The following TFAP2B variants were observed in gnomAD, a reference collection of about 807,000 sequenced individuals.
TFAP2B encodes transcription factor AP-2 beta, also known as transcription factor AP-2-beta.
A neutral mutation model predicts 44.3 loss-of-function variants in TFAP2B; 9 were observed. The observed-to-expected ratio is 0.20, with a 90% CI of 0.12 to 0.35. TFAP2B has a LOEUF of 0.35. TFAP2B is among the 10% of genes least tolerant of loss of function. TFAP2B has a pLI of 1.00. For missense variants in TFAP2B, 509 were observed against 600.0 expected (o/e 0.85, Z 1.59); for synonymous variants, 270 against 263.8 (o/e 1.02, Z -0.23).
intron 3 of TFAP2B, 63 bp downstream of exon 3, chr6:50,828,742 A>C: frequency 6.4e-7 from 1 of 1,559,022 alleles, no homozygotes; most frequent in Non-Finnish European, 8.8e-7. Context: ...CTTTATGATG[A>C]ATTTTCACTT....
intron 6 of TFAP2B, 70 bp downstream of exon 6, chr6:50,840,367 G>A: frequency 1.3e-6 from 2 of 1,583,802 alleles, no homozygotes; most frequent in Non-Finnish European, 1.7e-6. Flanking sequence ...TGGAGTAGGT[G>A]GTGGGGAGGG....
chr6:50,835,824 G>A (rs1762608125), intron 3 of TFAP2B, among the ~76,000 whole-genome samples: 1 of 152,214 alleles, frequency 6.6e-6, no homozygotes, highest in Admixed American at 6.5e-5. Flanking sequence ...GAGCAGGACT[G>A]TAGCAAATGA....
At chr6:50,825,115 G>A (rs1029645836) in intron 2 of TFAP2B, among the ~76,000 whole-genome samples, 1 of 152,088 alleles carries the variant, frequency 6.6e-6, no homozygotes, top group Non-Finnish European at 1.5e-5. Flanking sequence ...ATTGTTTATT[G>A]TTTTAAAAGA....
intron 4 of TFAP2B, 57 bp from the exon 5 acceptor site, chr6:50,837,918 A>T (rs1762653941): frequency 7.1e-7 from 1 of 1,414,900 alleles, no homozygotes; most frequent in South Asian, 1.1e-5. Flanking sequence ...GCTAAGTCTA[A>T]ACTTTGTTTC....
intron 1 of TFAP2B, among the ~76,000 whole-genome samples, chr6:50,822,405 T>C (rs905243022): frequency 3.3e-5 from 5 of 152,120 alleles, no homozygotes; most frequent in Non-Finnish European, 7.4e-5. Context: ...AAAGAAAAAC[T>C]TTTTATTTGC....
At chr6:50,827,754 C>T (rs1263538019) in intron 2 of TFAP2B, among the ~76,000 whole-genome samples, 1 of 152,192 alleles carries the variant, frequency 6.6e-6, no homozygotes, top group East Asian at 1.9e-4. Context: ...GATGCACAGC[C>T]AGAACTGTTC....
At chr6:50,831,384 C>T (rs1438011484) in intron 3 of TFAP2B, among the ~76,000 whole-genome samples, 1 of 152,146 alleles carries the variant, frequency 6.6e-6, no homozygotes, top group African/African-American at 2.4e-5. Flanking sequence ...CTGCAGGGAC[C>T]GTGGCCCCTC....
chr6:50,832,241 T>C (rs562044109), intron 3 of TFAP2B, among the ~76,000 whole-genome samples: 1 of 152,294 alleles, frequency 6.6e-6, no homozygotes, highest in East Asian at 1.9e-4. Context: ...TCAGGTAGGT[T>C]AGACATTCTT....
chr6:50,824,803 C>T (rs1770458151), intron 2 of TFAP2B, among the ~76,000 whole-genome samples: 1 of 152,192 alleles, frequency 6.6e-6, no homozygotes, highest in Non-Finnish European at 1.5e-5. Flanking sequence ...AACAAAGAAA[C>T]ATCAAAGAAA....
chr6:50,830,115 G>A (rs1770634496), intron 3 of TFAP2B, among the ~76,000 whole-genome samples: 1 of 152,016 alleles, frequency 6.6e-6, no homozygotes, highest in South Asian at 2.1e-4. Flanking sequence ...TTAATTGCTG[G>A]TTGATTAGGG....
At chr6:50,826,324 G>T (rs1046696754) in intron 2 of TFAP2B, among the ~76,000 whole-genome samples, 1 of 152,156 alleles carries the variant, frequency 6.6e-6, no homozygotes, top group African/African-American at 2.4e-5. Flanking sequence ...GACACTGAGG[G>T]TGCTGCCCTG....
rs140269591 is a variant in TFAP2B, at chr6:50,828,537, C to T, written c.541-82C>T. On this transcript the variant is annotated intron_variant, in intron 2 of 6. Coordinates refer to ENST00000393655, the MANE Select transcript of TFAP2B (RefSeq NM_003221.4). ...TTAATATAAATGGAAATAACAGAAA[C>T]TCCAGTTTGGAATAACATGATTTAT... 3,346 of 1,239,276 alleles carry T rather than the reference C, an allele frequency of 2.7e-3. 59 individuals carry two copies. The African/African-American group carries it at 0.041, about 15-fold the overall frequency. The allele number at this position is 1,239,276 out of a possible 1,614,324, so 76.8% of individuals were successfully genotyped here.
rs776626894 is a variant in TFAP2B at position 50,844,082 on chromosome 6, C to T, written c.*690C>T. 3 of 152,254 alleles carry T rather than the reference C, an allele frequency of 2.0e-5. No individual in the cohort carries two copies. The highest frequency in any genetic ancestry group is 1.5e-5 in the Non-Finnish European group (1 of 68,128). The allele number at this position is 152,254 out of a possible 1,614,324, so 9.4% of individuals were successfully genotyped here. ...GGGAGGGCGAGGGCGGGGCGGGAGG[C>T]CTGTGGAGACCAGGCGGAGGCTGCA... is the stretch of plus-strand genomic sequence containing the variant. On this transcript the variant is annotated 3_prime_UTR_variant, in exon 7 of 7. Coordinates refer to ENST00000393655, the MANE Select transcript of TFAP2B (RefSeq NM_003221.4).
At chr6:50,831,622 A>C (rs1280264964) in intron 3 of TFAP2B, among the ~76,000 whole-genome samples, 1 of 151,878 alleles carries the variant, frequency 6.6e-6, no homozygotes, top group Non-Finnish European at 1.5e-5. Flanking sequence ...ACATTAAAAA[A>C]TCATTCTTAA....
At chr6:50,838,353 G>A (rs1448305915) in intron 5 of TFAP2B, among the ~76,000 whole-genome samples, 1 of 152,158 alleles carries the variant, frequency 6.6e-6, no homozygotes, top group African/African-American at 2.4e-5. Context: ...AGACAAAGCA[G>A]GGGTCACTCC....
rs1762831002 is a variant in TFAP2B, at chr6:50,845,673, T to G, written c.*2281T>G. 6.5e-6 allele frequency: 1 copy of G among 152,728 alleles called. No homozygotes were observed. Among genetic ancestry groups the G allele is most frequent in the Non-Finnish European group, 1.5e-5 (1 of 68,094 alleles). The allele number at this position is 152,728 out of a possible 1,614,324, so 9.5% of individuals were successfully genotyped here. A position where few individuals can be genotyped will look rare whatever the true frequency, so the allele number is the denominator to read the frequency against. On this transcript the variant is annotated 3_prime_UTR_variant, in exon 7 of 7. Coordinates refer to ENST00000393655, the MANE Select transcript of TFAP2B (RefSeq NM_003221.4). Reference sequence around the variant, plus strand: ...TGCACAAGGCCAGGAGAGACCACACTGAAAACGATCGTCTCCTTTCCTTGC... The same window carrying G: ...TGCACAAGGCCAGGAGAGACCACACGGAAAACGATCGTCTCCTTTCCTTGC...
Position 50,844,065 on chromosome 6 carries a change from G to T in TFAP2B, c.*673G>T. 1 of 152,482 alleles carries T rather than the reference G, an allele frequency of 6.6e-6. No individual in the cohort carries two copies. Among genetic ancestry groups the T allele is most frequent in the Non-Finnish European group, 1.5e-5 (1 of 68,188 alleles). 9.4% of individuals were successfully genotyped at this position (152,482 alleles called of 1,614,324 possible). A position where few individuals can be genotyped will look rare whatever the true frequency, so the allele number is the denominator to read the frequency against. ...GGCCGCTTGCATAATTAGGGAGGGC[G>T]AGGGCGGGGCGGGAGGCCTGTGGAG... On this transcript the variant is annotated 3_prime_UTR_variant, in exon 7 of 7. Transcript: ENST00000393655.
At chr6:50,830,712 A>G (rs1770648946) in intron 3 of TFAP2B, among the ~76,000 whole-genome samples, 1 of 152,226 alleles carries the variant, frequency 6.6e-6, no homozygotes, top group Admixed American at 6.5e-5. Context: ...TAGGCAAAAT[A>G]AGAATACGAG....
rs3798521 is a variant in TFAP2B, at chr6:50,830,376, G to A, written c.601+1697G>A. 2,413 of 850,872 alleles carry A rather than the reference G, an allele frequency of 2.8e-3. 94 individuals are homozygous for A. The South Asian group carries it at 0.066, about 23-fold the overall frequency. 52.7% of individuals were successfully genotyped at this position (850,872 alleles called of 1,614,324 possible). On this transcript the variant is annotated intron_variant, in intron 3 of 6. Coordinates refer to ENST00000393655, the MANE Select transcript of TFAP2B (RefSeq NM_003221.4). ...ATTTTCTTAGATGTGGGATGCTTTG[G>A]TTTCAGAGCTTGTATATGTTTGTCA...
Sources: gnomAD v4.1 joint callset for allele counts (sites outside exome capture counted in the v4.1 genomes callset) on GRCh38, gnomAD v4.1.1 for gene constraint, MANE v1.5 for transcripts, NCBI Gene and HGNC (gene_info 2026-07-23, HGNC 2026-07-21) for gene names.